Variants in ACSL4 observed in about 807,000 individuals in gnomAD.
ACSL4 encodes the protein acyl-CoA synthetase long chain family member 4, also known as long-chain-fatty-acid--CoA ligase 4.
A neutral mutation model predicts 49.1 loss-of-function variants in ACSL4; 9 were observed. The observed-to-expected ratio is 0.18, with a 90% CI of 0.11 to 0.32. ACSL4 has a LOEUF of 0.32. Ranked by LOEUF, ACSL4 falls within the 10% of genes least tolerant of loss-of-function variation. The probability of loss-of-function intolerance (pLI) is 1.00; values close to 1 mark genes in which losing one functional copy is unlikely to be tolerated. For missense variants in ACSL4, 333 were observed against 493.7 expected (o/e 0.67, Z 3.08); for synonymous variants, 191 against 170.3 (o/e 1.12, Z -0.95).
intron 15 of ACSL4, among the ~76,000 whole-genome samples, chrX:109,652,056 G>GCACAT (rs1921187228): frequency 9.0e-6 from 1 of 111,263 alleles, no homozygotes; most frequent in Non-Finnish European, 1.9e-5. Flanking sequence ...ACTTGCAGGT[G>GCACAT]GCAGCAAATA....
At chrX:109,730,163 G>C (rs992419195) in intron 1 of ACSL4, among the ~76,000 whole-genome samples, 1 of 112,427 alleles carries the variant, frequency 8.9e-6, no homozygotes, top group African/African-American at 3.2e-5. Flanking sequence ...TTTTGTAGTT[G>C]TGATGTTACA....
At chrX:109,729,035 CCT>C (rs1181844572) in intron 1 of ACSL4, among the ~76,000 whole-genome samples, 2 of 101,792 alleles carry the variant, frequency 2.0e-5, no homozygotes, top group African/African-American at 7.1e-5. Context: ...ACGGTGAAAC[CCT>C]GTCTCTACTA....
chrX:109,677,383 C>T (rs1923801483), intron 8 of ACSL4, among the ~76,000 whole-genome samples: 1 of 111,665 alleles, frequency 9.0e-6, no homozygotes, highest in African/African-American at 3.3e-5. Context: ...CACCAATGCT[C>T]ATGGGTAGTG....
chrX:109,678,226 ACT>A, intron 7 of ACSL4, 37 bp downstream of exon 7: 1 of 1,209,365 alleles, frequency 8.3e-7, no homozygotes, highest in Non-Finnish European at 1.1e-6. Flanking sequence ...CTGAACATGA[ACT>A]CTGATTTCTA....
intron 4 of ACSL4, among the ~76,000 whole-genome samples, chrX:109,682,498 CCTT>C (rs1391722682): frequency 9.6e-6 from 1 of 103,784 alleles, no homozygotes; most frequent in Non-Finnish European, 1.9e-5. Context: ...AAATCACATC[CCTT>C]AAAGCTGCCA....
At chrX:109,649,440 T>A (rs1370791812) in intron 15 of ACSL4, among the ~76,000 whole-genome samples, 2 of 111,739 alleles carry the variant, frequency 1.8e-5, no homozygotes, top group South Asian at 3.7e-4. Context: ...ATTCCCTATT[T>A]AATAAATGGT....
intron 15 of ACSL4, among the ~76,000 whole-genome samples, chrX:109,653,057 G>A (rs747974168): frequency 1.5e-4 from 17 of 111,490 alleles, no homozygotes; most frequent in Middle Eastern, 4.7e-3. Flanking sequence ...AATAATAGGA[G>A]CCCAGTTAGA....
Position 109,682,900 on chromosome X carries a change from T to C in ACSL4, c.229-4A>G, listed in dbSNP as rs1310025666. ...ATTTATAATTCCCAAGAATTAACTGTTAAAGTGATACATTCTCTAATATTA... is the reference window on the plus strand; with the variant it reads ...ATTTATAATTCCCAAGAATTAACTGCTAAAGTGATACATTCTCTAATATTA... On this transcript the variant is annotated splice_polypyrimidine_tract_variant and splice_region_variant and intron_variant, in intron 3 of 15. Transcript: ENST00000672401. 8.4e-7 allele frequency: 1 copy of C among 1,197,398 alleles called. No individual in the cohort carries two copies. Among genetic ancestry groups the C allele is most frequent in the Non-Finnish European group, 1.1e-6 (1 of 883,635 alleles).
At chrX:109,646,517 G>A (rs1397175920) in intron 15 of ACSL4, among the ~76,000 whole-genome samples, 6 of 109,400 alleles carry the variant, frequency 5.5e-5, no homozygotes, top group Non-Finnish European at 9.6e-5. Context: ...AGCTCCTGAA[G>A]GAAGTGCTAA....
At chrX:109,703,395 T>C (rs1031095404) in intron 1 of ACSL4, among the ~76,000 whole-genome samples, 1 of 111,792 alleles carries the variant, frequency 8.9e-6, no homozygotes, top group Non-Finnish European at 1.9e-5. Flanking sequence ...TTAGGGGAAA[T>C]TGGGTAAAGG....
chrX:109,729,010 A>T (rs1928219630), intron 1 of ACSL4, among the ~76,000 whole-genome samples: 1 of 108,517 alleles, frequency 9.2e-6, no homozygotes, highest in Non-Finnish European at 1.9e-5. Flanking sequence ...GGAGATCGAG[A>T]CCACCCTGGC....
At chrX:109,662,882 T>C (rs1304755027) in intron 13 of ACSL4, among the ~76,000 whole-genome samples, 4 of 111,621 alleles carry the variant, frequency 3.6e-5, no homozygotes, top group African/African-American at 1.3e-4. Context: ...CTGAGCTCTT[T>C]TTGTTTTCTC....
At chrX:109,665,045 GGT>G (rs773386174) in intron 12 of ACSL4, among the ~76,000 whole-genome samples, 9 of 111,408 alleles carry the variant, frequency 8.1e-5, no homozygotes, top group African/African-American at 2.6e-4. Flanking sequence ...CTAAGAAGTT[GGT>G]GTGTGTATGA....
At chrX:109,701,039 T>C (rs1001022043) in intron 1 of ACSL4, among the ~76,000 whole-genome samples, 4 of 110,790 alleles carry the variant, frequency 3.6e-5, no homozygotes, top group Non-Finnish European at 5.7e-5. Flanking sequence ...CAAGACTCCA[T>C]CTCAAAATAA....
chrX:109,700,484 C>A (rs1215293531), intron 1 of ACSL4, among the ~76,000 whole-genome samples: 1 of 106,953 alleles, frequency 9.3e-6, no homozygotes, highest in African/African-American at 3.4e-5. Flanking sequence ...CTGCAGTGAG[C>A]CACGATTGCA....
At chrX:109,668,347 TG>T (rs1922861242) in intron 10 of ACSL4, 74 bp from the exon 11 acceptor site, 1 of 917,088 alleles carries the variant, frequency 1.1e-6, no homozygotes, top group Admixed American at 2.8e-5. Context: ...TTATAAGCTC[TG>T]GGAAAGATTC....
chrX:109,668,126 T>C lies in ACSL4; in HGVS notation c.1290A>G (p.Ser430=). ...PIGQGYGLTE[S]CGAGTVTEVT... Reference sequence around the variant, plus strand: ...CTTCAGTAACTGTCCCAGCACCACATGATTCTGTCAGTCCATAACCCTGGC... The same window carrying C: ...CTTCAGTAACTGTCCCAGCACCACACGATTCTGTCAGTCCATAACCCTGGC... The change falls in exon 11 of 16, where the codon TCA becomes TCG. Residue 430 remains serine, a synonymous_variant. Transcript: ENST00000672401. The C allele has an allele frequency of 4.1e-6, 5 of 1,208,591 alleles. No individual in the cohort carries two copies. Among genetic ancestry groups the C allele is most frequent in the Non-Finnish European group, 5.6e-6 (5 of 892,758 alleles).
intron 1 of ACSL4, among the ~76,000 whole-genome samples, chrX:109,729,151 A>G (rs1928239293): frequency 9.0e-6 from 1 of 110,976 alleles, no homozygotes; most frequent in Non-Finnish European, 1.9e-5. Flanking sequence ...TCTGGGAGGC[A>G]GAGCTTGCAG....
chrX:109,702,853 C>A (rs1333382616), intron 1 of ACSL4, among the ~76,000 whole-genome samples: 1 of 110,839 alleles, frequency 9.0e-6, no homozygotes, highest in East Asian at 2.8e-4. Flanking sequence ...ATAATACCCA[C>A]GAGTCCATAC....
Sources: allele counts gnomAD v4.1 joint callset (sites outside exome capture counted in the v4.1 genomes callset), GRCh38; gene constraint gnomAD v4.1.1; transcripts MANE v1.5; gene names NCBI Gene and HGNC (gene_info 2026-07-23, HGNC 2026-07-21).